Variants in OSBPL1A observed in about 807,000 individuals in gnomAD.
OSBPL1A encodes oxysterol binding protein like 1A, also known as oxysterol-binding protein-related protein 1.
Under a neutral mutation model 137.1 loss-of-function variants are expected in OSBPL1A, and 80 were observed. The observed-to-expected ratio is 0.58, with a 90% CI of 0.49 to 0.70. The LOEUF (loss-of-function observed/expected upper bound fraction) is 0.70. Among genes scored for constraint, OSBPL1A ranks in the 30% least tolerant of loss-of-function variants. The pLI is 0.00. For synonymous variants in OSBPL1A, 365 were observed against 389.7 expected, an observed-to-expected ratio of 0.94 and a Z score of 0.75; for missense variants, 970 against 1,129.4, an observed-to-expected ratio of 0.86 and a Z score of 2.02.
At position 24,235,568 on chromosome 18, in the gene OSBPL1A, C is replaced by T. The variant is rs971204650; in HGVS notation, c.1444+3652G>A. Among the ~76,000 whole-genome samples the T allele has an allele frequency of 7.2e-5, 11 of 152,264 alleles. No homozygotes were observed. In the South Asian group the frequency reaches 1.2e-3, roughly 17 times the overall value. ...GATTCTATGTCTCATGGAAATGTCA[C>T]GAATCACTCCTAGTTTCTGGCTTTA... On this transcript the variant is annotated intron_variant, in intron 16 of 27. Transcript: ENST00000319481.
chr18:24,314,798 G>A (rs1306259159), intron 11 of OSBPL1A, among the ~76,000 whole-genome samples: 2 of 151,934 alleles, frequency 1.3e-5, no homozygotes, highest in East Asian at 3.9e-4. Context: ...AATAATTATG[G>A]GTTTTAAAAT....
Position 24,329,720 on chromosome 18 carries a change from C to T in OSBPL1A, c.625+3222G>A, listed in dbSNP as rs138512158. On this transcript the variant is annotated intron_variant, in intron 7 of 27. Coordinates refer to ENST00000319481, the MANE Select transcript of OSBPL1A (RefSeq NM_080597.4). ...ACACTGGCCTGCCTTGCAATGAAGG[C>T]TAATGATTTATGACTGTAGCATATA... Among the ~76,000 whole-genome samples, 657 of 152,134 alleles carry T rather than the reference C, an allele frequency of 4.3e-3. 7 individuals are homozygous for T. The highest frequency in any genetic ancestry group is 0.015 in the African/African-American group (631 of 41,500).
intron 16 of OSBPL1A, among the ~76,000 whole-genome samples, chr18:24,237,686 AT>A (rs1367916102): frequency 1.3e-5 from 2 of 152,204 alleles, no homozygotes; most frequent in African/African-American, 2.4e-5. Flanking sequence ...AGCTCTATGC[AT>A]TTAGACCTAG....
In OSBPL1A at chr18:24,312,595, A is replaced by G. The variant is rs114214066; in HGVS notation, c.970-489T>C. ...CATTAACTTTTACTATATTTTTTAA[A>G]TAACAGTGATTTCACAAAAAGAATG... On this transcript the variant is annotated intron_variant, in intron 12 of 27. Transcript: ENST00000319481. 7.6e-4 allele frequency among the ~76,000 whole-genome samples: 116 copies of G among 152,334 alleles called. 1 individual carries two copies. The highest frequency in any genetic ancestry group is 2.7e-3 in the African/African-American group (112 of 41,582).
At chr18:24,170,552 AC>A in intron 23 of OSBPL1A, 99 bp from the exon 24 acceptor site, 1 of 1,321,066 alleles carries the variant, frequency 7.6e-7, no homozygotes, top group Non-Finnish European at 1.1e-6. Context: ...CCGAGTACTA[AC>A]CAGGCCTGAC....
intron 1 of OSBPL1A, among the ~76,000 whole-genome samples, chr18:24,391,211 C>T (rs956608106): frequency 3.9e-5 from 6 of 152,132 alleles, no homozygotes; most frequent in African/African-American, 1.4e-4. Flanking sequence ...GGTATGATTC[C>T]ACTTAGATGA....
chr18:24,251,506 C>T (rs1439021253), intron 15 of OSBPL1A, among the ~76,000 whole-genome samples: 4 of 152,220 alleles, frequency 2.6e-5, no homozygotes, highest in Non-Finnish European at 4.4e-5. Context: ...CCAAGACCAC[C>T]AAGGCAGTAC....
intron 16 of OSBPL1A, among the ~76,000 whole-genome samples, chr18:24,236,653 C>A (rs1441522482): frequency 6.6e-6 from 1 of 152,170 alleles, no homozygotes. Context: ...ATATGCTTGG[C>A]ACCTGACCCT....
At chr18:24,201,345 C>G (rs1341060285) in intron 17 of OSBPL1A, among the ~76,000 whole-genome samples, 3 of 152,206 alleles carry the variant, frequency 2.0e-5, no homozygotes, top group East Asian at 3.8e-4. Flanking sequence ...CCCAAAGAAC[C>G]AAATTCATTA....
At chr18:24,307,101 AAAAAC>A (rs1467436672) in intron 13 of OSBPL1A, among the ~76,000 whole-genome samples, 1 of 151,698 alleles carries the variant, frequency 6.6e-6, no homozygotes, top group African/African-American at 2.4e-5. Flanking sequence ...ACAAAAAAAA[AAAAAC>A]AAAAACAAAA....
chr18:24,177,844 G>A (rs1004071354), intron 21 of OSBPL1A, among the ~76,000 whole-genome samples, 169 bp downstream of exon 21: 10 of 152,196 alleles, frequency 6.6e-5, no homozygotes, highest in African/African-American at 2.2e-4. Context: ...ATTAGCAATG[G>A]CTACTGCCAT....
chr18:24,234,655 T>A (rs1439440686), intron 16 of OSBPL1A, among the ~76,000 whole-genome samples: 1 of 152,188 alleles, frequency 6.6e-6, no homozygotes, highest in Non-Finnish European at 1.5e-5. Flanking sequence ...AGGGATATGA[T>A]AAAGGGAAAC....
chr18:24,181,484 T>C (rs376343794), intron 18 of OSBPL1A, among the ~76,000 whole-genome samples: 1 of 152,116 alleles, frequency 6.6e-6, no homozygotes, highest in Non-Finnish European at 1.5e-5. Context: ...AAGGAGGAAA[T>C]ACAAAGACTG....
Position 24,165,132 on chromosome 18 carries a change from G to A in OSBPL1A, c.2683C>T (p.Arg895Ter), listed in dbSNP as rs2086116221. 1.2e-6 allele frequency: 2 copies of A among 1,612,530 alleles called. No homozygotes were observed. Among genetic ancestry groups the A allele is most frequent in the Non-Finnish European group, 1.7e-6 (2 of 1,179,074 alleles). The change falls in exon 27 of 28, where the codon CGA (arginine) becomes TGA (stop). Residue 895 changes from arginine (R) to a stop codon, truncating the protein, a stop_gained. Transcript: ENST00000319481. LOFTEE classifies it high-confidence loss of function. The part of the protein sequence containing the change: ...EIDQASEEKK[R>*]LEEKQRAARK... The stretch of plus-strand genomic sequence containing the variant: ...GCTGCTCTTTGTTTTTCCTCAAGTC[G>A]TTTTTTTTCTTCACTAGCTTGATCT...
At chr18:24,313,328 C>CA (rs2090659935) in intron 12 of OSBPL1A, among the ~76,000 whole-genome samples, 3 of 151,274 alleles carry the variant, frequency 2.0e-5, no homozygotes, top group African/African-American at 7.3e-5. Context: ...GTAATCCCAG[C>CA]TACTCAGGAG....
intron 17 of OSBPL1A, among the ~76,000 whole-genome samples, chr18:24,212,337 T>C (rs1046316405): frequency 2.6e-5 from 4 of 151,942 alleles, no homozygotes; most frequent in Admixed American, 6.6e-5. Flanking sequence ...GGATTACGGG[T>C]GTGAGACACC....
At chr18:24,379,946 T>C (rs1191348561) in intron 1 of OSBPL1A, among the ~76,000 whole-genome samples, 3 of 152,188 alleles carry the variant, frequency 2.0e-5, no homozygotes, top group African/African-American at 7.2e-5. Context: ...AGATTTCTGA[T>C]CTACAGACAA....
chr18:24,388,371 T>C (rs1436774355), intron 1 of OSBPL1A, among the ~76,000 whole-genome samples: 1 of 152,170 alleles, frequency 6.6e-6, no homozygotes, highest in Non-Finnish European at 1.5e-5. Context: ...GATGAGGACT[T>C]AGTCCTTTGA....
At chr18:24,184,893 TG>T (rs1422274416) in intron 18 of OSBPL1A, among the ~76,000 whole-genome samples, 1 of 152,150 alleles carries the variant, frequency 6.6e-6, no homozygotes, top group Non-Finnish European at 1.5e-5. Flanking sequence ...CCTCCTTCAA[TG>T]GAGAGCTCTT....
Sources: gnomAD v4.1 joint callset for allele counts (sites outside exome capture counted in the v4.1 genomes callset) on GRCh38, gnomAD v4.1.1 for gene constraint, MANE v1.5 for transcripts, NCBI Gene and HGNC (gene_info 2026-07-23, HGNC 2026-07-21) for gene names.